MSMO1: variants seen among roughly 807,000 people sequenced by gnomAD.
MSMO1 encodes methylsterol monooxygenase 1.
Under a neutral mutation model 30.4 loss-of-function variants are expected in MSMO1, and 18 were observed. The ratio of observed to expected loss-of-function variants is 0.59; its 90% CI spans 0.41 to 0.88. The LOEUF is 0.88. Ranked by LOEUF, MSMO1 falls within the 40% of genes least tolerant of loss-of-function variation. MSMO1 has a pLI of 0.00. For missense variants in MSMO1, 284 were observed against 340.5 expected (o/e 0.83, Z 1.31); for synonymous variants, 84 against 107.9 (o/e 0.78, Z 1.37).
At chr4:165,338,011 T>G in intron 3 of MSMO1, 74 bp downstream of exon 3, 1 of 1,355,404 alleles carries the variant, frequency 7.4e-7, no homozygotes. Context: ...TGTTTACCCG[T>G]TTTCTTAATT....
At position 165,342,356 on chromosome 4, in the gene MSMO1, C is replaced by CT. The variant is rs957214290; in HGVS notation, c.*419dup. The CT allele has an allele frequency of 2.5e-4, 37 of 150,042 alleles. No homozygotes were observed. Among genetic ancestry groups the CT allele is most frequent in the East Asian group, 3.8e-4 (2 of 5,276 alleles). 9.3% of individuals were successfully genotyped at this position (150,042 alleles called of 1,614,324 possible). ...ATAGTGGTATTGGCCTTATATTTAA[C>CT]TTTTTTTTTATTTTTTTTTTGAGAC... On this transcript the variant is annotated 3_prime_UTR_variant, in exon 6 of 6. Transcript: ENST00000261507.
intron 1 of MSMO1, among the ~76,000 whole-genome samples, chr4:165,329,635 T>C (rs1188680333): frequency 7.6e-6 from 1 of 131,040 alleles, no homozygotes; most frequent in African/African-American, 3.0e-5. Flanking sequence ...ATTTTTTTTT[T>C]TTTTTTTTTT....
chr4:165,327,844 G>T (rs1466389684), intron 1 of MSMO1, 80 bp downstream of exon 1: 1 of 152,524 alleles, frequency 6.6e-6, no homozygotes, highest in African/African-American at 2.4e-5. Context: ...TGAGATCGAG[G>T]GGAGCGGGTT....
chr4:165,327,677 C>A lies in MSMO1; in HGVS notation c.-119C>A, dbSNP rs143324153. ...GGCCGCCTGGCCCACCCGGCTCCAC[C>A]CCCAAGCCAGGCGAGGCAGGTTCCG... On this transcript the variant is annotated 5_prime_UTR_variant, in exon 1 of 6. Transcript: ENST00000261507. The A allele has an allele frequency of 4.1e-4, 63 of 152,480 alleles. No homozygotes were observed. The highest frequency in any genetic ancestry group is 1.5e-3 in the African/African-American group (62 of 41,580). The allele number at this position is 152,480 out of a possible 1,614,324, so 9.4% of individuals were successfully genotyped here. A position where few individuals can be genotyped will look rare whatever the true frequency, so the allele number is the denominator to read the frequency against.
At chr4:165,330,197 C>T (rs1445135377) in intron 1 of MSMO1, among the ~76,000 whole-genome samples, 15 of 152,166 alleles carry the variant, frequency 9.9e-5, no homozygotes, top group Non-Finnish European at 2.9e-5. Flanking sequence ...TAACATTAAG[C>T]ATTAGACTTT....
chr4:165,339,724 A>G (rs186988397), intron 4 of MSMO1, among the ~76,000 whole-genome samples: 1 of 152,186 alleles, frequency 6.6e-6, no homozygotes, highest in African/African-American at 2.4e-5. Context: ...TTTATGCATA[A>G]ATAGGATATA....
intron 2 of MSMO1, 82 bp from the exon 3 acceptor site, chr4:165,337,707 C>T: frequency 7.2e-7 from 1 of 1,396,096 alleles, no homozygotes; most frequent in Non-Finnish European, 1.0e-6. Flanking sequence ...AATTAAGGTC[C>T]AACATAAACA....
intron 4 of MSMO1, among the ~76,000 whole-genome samples, chr4:165,339,264 G>A (rs531832613): frequency 9.9e-5 from 15 of 151,936 alleles, no homozygotes; most frequent in African/African-American, 2.4e-4. Flanking sequence ...GTCACCACGC[G>A]TGGCTAATTT....
intron 3 of MSMO1, among the ~76,000 whole-genome samples, chr4:165,338,310 A>G (rs754340135): frequency 4.7e-4 from 6 of 12,796 alleles, no homozygotes; most frequent in South Asian, 0.022. Flanking sequence ...GTATGTGTAT[A>G]TATATATATA....
At chr4:165,335,933 T>C (rs1240552407) in intron 2 of MSMO1, among the ~76,000 whole-genome samples, 2 of 152,200 alleles carry the variant, frequency 1.3e-5, no homozygotes, top group African/African-American at 2.4e-5. Flanking sequence ...GAAACCAAAA[T>C]ATTGGTACAA....
chr4:165,339,029 C>A (rs1385745071), intron 4 of MSMO1, among the ~76,000 whole-genome samples: 5 of 148,384 alleles, frequency 3.4e-5, no homozygotes, highest in Admixed American at 6.8e-5. Context: ...GTGGACAGTG[C>A]TACACTGGCA....
At position 165,341,782 on chromosome 4, in the gene MSMO1, C is replaced by A; in HGVS notation, c.718C>A (p.Leu240Met). 6.2e-7 allele frequency: 1 copy of A among 1,613,130 alleles called. No homozygotes were observed. Among genetic ancestry groups the A allele is most frequent in the Non-Finnish European group, 8.5e-7 (1 of 1,179,236 alleles). ...TGATATTCCTCTCAACCCTTTAAAT[C>A]TGATCCCTTTCTATGCTGGTTCTCG... ...GYDIPLNPLNLIPFYAGSRHH... is the reference protein window; with the variant it reads ...GYDIPLNPLNMIPFYAGSRHH... Residue 240 changes from leucine (L) to methionine (M), a missense_variant, in exon 6 of 6, where the codon CTG becomes ATG. Transcript: ENST00000261507.
chr4:165,331,537 T>G (rs1429555203), intron 1 of MSMO1, among the ~76,000 whole-genome samples: 1 of 152,114 alleles, frequency 6.6e-6, no homozygotes, highest in Admixed American at 6.5e-5. Context: ...GTGGTGTAAG[T>G]CATTTGAGAT....
At position 165,340,298 on chromosome 4, in the gene MSMO1, C is replaced by T. The variant is rs73862307; in HGVS notation, c.609C>T (p.Ile203=). 2.0e-4 allele frequency: 329 copies of T among 1,613,792 alleles called. 1 individual carries two copies. In the African/African-American group the frequency reaches 3.8e-3, roughly 19 times the overall value. The change falls in exon 5 of 6, where the codon ATC becomes ATT. Residue 203 remains isoleucine (I), a synonymous_variant. Coordinates refer to ENST00000261507, the MANE Select transcript of MSMO1 (RefSeq NM_006745.5). Reference sequence around the variant, plus strand: ...TTGGAACTGGATTTTTCATTGGAATCGTGCTTTTGTGTGATCATGTAATTC... The same window carrying T: ...TTGGAACTGGATTTTTCATTGGAATTGTGCTTTTGTGTGATCATGTAATTC... ...LILGTGFFIG[I]VLLCDHVILL...
chr4:165,338,232 A>C (rs1747612278), intron 3 of MSMO1, among the ~76,000 whole-genome samples: 1 of 151,572 alleles, frequency 6.6e-6, no homozygotes, highest in African/African-American at 2.4e-5. Context: ...TTTAATTTTA[A>C]AATGAATGAA....
At chr4:165,338,232 AAATG>A (rs1210357368) in intron 3 of MSMO1, among the ~76,000 whole-genome samples, 1 of 151,572 alleles carries the variant, frequency 6.6e-6, no homozygotes, top group Non-Finnish European at 1.5e-5. Context: ...TTTAATTTTA[AAATG>A]AATGAAATAT....
In MSMO1 at chr4:165,342,366, AT is replaced by A. The variant is rs1553968269; in HGVS notation, c.*430del. 63 of 149,624 alleles carry A rather than the reference AT, an allele frequency of 4.2e-4. No homozygotes were observed. Among genetic ancestry groups the A allele is most frequent in the South Asian group, 1.2e-3 (6 of 4,810 alleles). 9.3% of individuals were successfully genotyped at this position (149,624 alleles called of 1,614,324 possible). On this transcript the variant is annotated 3_prime_UTR_variant, in exon 6 of 6. Coordinates refer to ENST00000261507, the MANE Select transcript of MSMO1 (RefSeq NM_006745.5). Reference sequence around the variant, plus strand: ...TGGCCTTATATTTAACTTTTTTTTTATTTTTTTTTTGAGACAAAGCCACACT... The same window carrying A: ...TGGCCTTATATTTAACTTTTTTTTTATTTTTTTTTGAGACAAAGCCACACT...
At chr4:165,336,623 TAC>T (rs1747557798) in intron 2 of MSMO1, among the ~76,000 whole-genome samples, 1 of 152,194 alleles carries the variant, frequency 6.6e-6, no homozygotes, top group African/African-American at 2.4e-5. Flanking sequence ...TGTCCCCAAT[TAC>T]AGAGTGGAGG....
At position 165,343,160 on chromosome 4, in the gene MSMO1, T is replaced by C. The variant is rs1238009821; in HGVS notation, c.*1214T>C. On this transcript the variant is annotated 3_prime_UTR_variant, in exon 6 of 6. Coordinates refer to ENST00000261507, the MANE Select transcript of MSMO1 (RefSeq NM_006745.5). ...ATCATTAAATTATTAAGTTGTACAA[T>C]AAAAGGATTGGTTTCTTTTCTTTTT... The C allele has an allele frequency of 6.9e-6, 1 of 143,986 alleles. No homozygotes were observed. The highest frequency in any genetic ancestry group is 1.5e-5 in the Non-Finnish European group (1 of 67,048). The allele number at this position is 143,986 out of a possible 1,614,324, so 8.9% of individuals were successfully genotyped here. A position where few individuals can be genotyped will look rare whatever the true frequency, so the allele number is the denominator to read the frequency against.
Sources: allele counts gnomAD v4.1 joint callset (sites outside exome capture counted in the v4.1 genomes callset), GRCh38; gene constraint gnomAD v4.1.1; transcripts MANE v1.5; gene names NCBI Gene and HGNC (gene_info 2026-07-23, HGNC 2026-07-21).